ZNF641: variants seen among roughly 807,000 people sequenced by gnomAD.
The protein encoded by ZNF641 is zinc finger protein 641.
A neutral mutation model predicts 46.2 loss-of-function variants in ZNF641; 26 were observed. The observed-to-expected ratio is 0.56, with a 90% CI of 0.41 to 0.78. ZNF641 has a LOEUF of 0.78. Ranked by LOEUF, ZNF641 falls within the 30% of genes least tolerant of loss-of-function variation. ZNF641 has a pLI of 0.00. For synonymous variants in ZNF641, 163 were observed against 187.9 expected, an observed-to-expected ratio of 0.87 and a Z score of 1.09; for missense variants, 469 against 517.8, an observed-to-expected ratio of 0.91 and a Z score of 0.91.
rs777930561 is a variant in ZNF641, at chr12:48,343,276, G to C, written c.972C>G (p.His324Gln). Reference protein sequence around the residue: ...NFRCNSHLASHQRVHAEGKSC... With the variant: ...NFRCNSHLASQQRVHAEGKSC... Reference sequence around the variant, plus strand: ...ATTTGCCTTCTGCATGCACTCTCTGGTGGCTGGCCAGATGGGAGTTGCATC... The same window carrying C: ...ATTTGCCTTCTGCATGCACTCTCTGCTGGCTGGCCAGATGGGAGTTGCATC... Residue 324 changes from histidine (H) to glutamine (Q), a missense_variant, in exon 6 of 6, where the codon CAC (histidine) becomes CAG (glutamine). By Grantham distance (24) the His-to-Gln change is conservative (BLOSUM62 0). Coordinates refer to ENST00000547026, the MANE Select transcript of ZNF641 (RefSeq NM_001172681.2). 4.3e-6 allele frequency: 7 copies of C among 1,614,232 alleles called. 1 individual carries two copies.
rs757505156 is a variant in ZNF641, at chr12:48,348,018, G to A, written c.73C>T (p.Pro25Ser). Reference sequence around the variant, plus strand: ...TCCTGGCTTCCCCTTTCCACCTGGGGCTCTGCTCCATCCAGCTGTACATTC... The same window carrying A: ...TCCTGGCTTCCCCTTTCCACCTGGGACTCTGCTCCATCCAGCTGTACATTC... ...SMNVQLDGAEPQVERGSQEER... is the reference protein window; with the variant it reads ...SMNVQLDGAESQVERGSQEER... The change falls in exon 2 of 6, where the codon CCC becomes TCC. Residue 25 changes from proline to serine, a missense_variant. Around this residue, in one of 3 missense-constraint regions of ZNF641, gnomAD observed 98 missense variants for 105.7 expected, o/e 0.93. Transcript: ENST00000547026. The A allele has an allele frequency of 6.2e-6, 10 of 1,614,206 alleles. No individual in the cohort carries two copies. In the East Asian group the frequency reaches 1.8e-4, roughly 29 times the overall value.
At position 48,343,011 on chromosome 12, in the gene ZNF641, G is replaced by C; in HGVS notation, c.1237C>G (p.Pro413Ala). The change falls in exon 6 of 6, where the codon CCC (proline) becomes GCC (alanine). Residue 413 changes from proline to alanine, a missense_variant. Coordinates refer to ENST00000547026, the MANE Select transcript of ZNF641 (RefSeq NM_001172681.2). ...RHLLTHQGQS[P>A]RNSWDRGTSV... ...GTTCCTCTGTCCCAGCTGTTCCGGG[G>C]ACTTTGTCCCTGGTGGGTGAGCAGG... 1 of 1,614,112 alleles carries C rather than the reference G, an allele frequency of 6.2e-7. No homozygotes were observed. Among genetic ancestry groups the C allele is most frequent in the Non-Finnish European group, 8.5e-7 (1 of 1,179,980 alleles).
Position 48,338,875 on chromosome 12 carries a change from GGTA to G in ZNF641, c.*4095_*4097del, listed in dbSNP as rs1952658599. The G allele has an allele frequency of 6.6e-6, 1 of 152,114 alleles. No homozygotes were observed. Among genetic ancestry groups the G allele is most frequent in the Non-Finnish European group, 1.5e-5 (1 of 68,016 alleles). The allele number at this position is 152,114 out of a possible 1,614,324, so 9.4% of individuals were successfully genotyped here. ...ACTTGGGTTCTTAAGGGCTTGGCAT[GGTA>G]GGCCTTACTCTACCTTTGTGCTAGA... On this transcript the variant is annotated 3_prime_UTR_variant, in exon 6 of 6. Transcript: ENST00000547026.
chr12:48,346,925 C>T (rs1412717745), intron 3 of ZNF641, among the ~76,000 whole-genome samples: 1 of 152,160 alleles, frequency 6.6e-6, no homozygotes. Flanking sequence ...GCACAAGAAT[C>T]GCTTGAACCC....
chr12:48,341,748 C>T lies in ZNF641; in HGVS notation c.*1225G>A. On this transcript the variant is annotated 3_prime_UTR_variant, in exon 6 of 6. Transcript: ENST00000547026. ...CTTGCCTGAAATCAACAAGAAACAGCTCACCTCCCCAAAGACTCCTCTTTC... is the reference window on the plus strand; with the variant it reads ...CTTGCCTGAAATCAACAAGAAACAGTTCACCTCCCCAAAGACTCCTCTTTC... 2 of 985,472 alleles carry T rather than the reference C, an allele frequency of 2.0e-6. No homozygotes were observed. The highest frequency in any genetic ancestry group is 6.1e-5 in the Admixed American group (1 of 16,292). The allele number at this position is 985,472 out of a possible 1,614,324, so 61.0% of individuals were successfully genotyped here.
chr12:48,343,212 T>C lies in ZNF641; in HGVS notation c.1036A>G (p.Arg346Gly). 1 of 1,614,202 alleles carries C rather than the reference T, an allele frequency of 6.2e-7. No individual in the cohort carries two copies. The highest frequency in any genetic ancestry group is 8.5e-7 in the Non-Finnish European group (1 of 1,180,004). The change falls in exon 6 of 6, where the codon AGG (arginine) becomes GGG (glycine). Residue 346 changes from arginine to glycine, a missense_variant. Transcript: ENST00000547026. Reference protein sequence around the residue: ...GQEVGESPGTRKRQRAPPVPK... With the variant: ...GQEVGESPGTGKRQRAPPVPK... ...ACTGGTGGGGCACGCTGCCGTTTCC[T>C]TGTGCCAGGGCTCTCTCCAACCTCT... is the stretch of plus-strand genomic sequence containing the variant.
chr12:48,343,260 C>T lies in ZNF641; in HGVS notation c.988G>A (p.Glu330Lys). 1 of 1,614,268 alleles carries T rather than the reference C, an allele frequency of 6.2e-7. No homozygotes were observed. The highest frequency in any genetic ancestry group is 8.5e-7 in the Non-Finnish European group (1 of 1,180,050). ...HLASHQRVHA[E>K]GKSCKGQEVG... ...TCTTGGCCTTTGCAGGATTTGCCTTCTGCATGCACTCTCTGGTGGCTGGCC... is the reference window on the plus strand; with the variant it reads ...TCTTGGCCTTTGCAGGATTTGCCTTTTGCATGCACTCTCTGGTGGCTGGCC... The change falls in exon 6 of 6, where the codon GAA becomes AAA. Residue 330 changes from glutamate to lysine, a missense_variant. Coordinates refer to ENST00000547026, the MANE Select transcript of ZNF641 (RefSeq NM_001172681.2).
chr12:48,344,782 T>A, intron 4 of ZNF641, 70 bp from the exon 5 acceptor site: 1 of 861,572 alleles, frequency 1.2e-6, no homozygotes, highest in Non-Finnish European at 1.8e-6. Flanking sequence ...GAAAAAAAAA[T>A]ACAAAAAACT....
Position 48,347,297 on chromosome 12 carries a change from A to G in ZNF641, c.231T>C (p.Thr77=). The change falls in exon 3 of 6, where the codon ACT becomes ACC. Residue 77 remains threonine (T), a synonymous_variant. Transcript: ENST00000547026. ...WVPAIPQEGN[T]GDWEMAAALL... ...GTGCAGCTGCCATCTCCCAGTCTCC[A>G]GTGTTCCCCTCCTGGGGAATTGCAG... The G allele has an allele frequency of 1.2e-6, 2 of 1,613,856 alleles. No homozygotes were observed. The highest frequency in any genetic ancestry group is 1.7e-6 in the Non-Finnish European group (2 of 1,179,802).
chr12:48,339,786 C>G lies in ZNF641; in HGVS notation c.*3187G>C, dbSNP rs1192199141. 1 of 294,942 alleles carries G rather than the reference C, an allele frequency of 3.4e-6. No homozygotes were observed. Among genetic ancestry groups the G allele is most frequent in the African/African-American group, 2.3e-5 (1 of 44,054 alleles). The allele number at this position is 294,942 out of a possible 1,614,324, so 18.3% of individuals were successfully genotyped here. A position where few individuals can be genotyped will look rare whatever the true frequency, so the allele number is the denominator to read the frequency against. On this transcript the variant is annotated 3_prime_UTR_variant, in exon 6 of 6. Coordinates refer to ENST00000547026, the MANE Select transcript of ZNF641 (RefSeq NM_001172681.2). ...TTATCACCTCTTTGGTTCTCTGAAG[C>G]CATAACATTACTTTGACAAGGGAAA...
At chr12:48,346,894 C>T (rs1952886870) in intron 3 of ZNF641, among the ~76,000 whole-genome samples, 1 of 152,088 alleles carries the variant, frequency 6.6e-6, no homozygotes. Context: ...GCCAGTAGTC[C>T]CAGCTACTTG....
In ZNF641 at chr12:48,343,693, T is replaced by C. The variant is rs370601433; in HGVS notation, c.555A>G (p.Glu185=). 7.4e-5 allele frequency: 112 copies of C among 1,516,832 alleles called. No homozygotes were observed. Among genetic ancestry groups the C allele is most frequent in the Non-Finnish European group, 8.2e-5 (93 of 1,132,880 alleles). 94.0% of individuals were successfully genotyped at this position (1,516,832 alleles called of 1,614,324 possible). ...DGSEHEGDTP[E]LEAEPPRMLS... ...ACATTCTGGGAGGTTCTGCTTCTAG[T>C]TCAGGGGTATCCCCCTCATGTTCAC... Residue 185 remains glutamate, a synonymous_variant, in exon 6 of 6, where the codon GAA becomes GAG. Coordinates refer to ENST00000547026, the MANE Select transcript of ZNF641 (RefSeq NM_001172681.2).
chr12:48,334,739 A>G (rs1255396917), downstream of ZNF641, among the ~76,000 whole-genome samples: 2 of 152,208 alleles, frequency 1.3e-5, no homozygotes, highest in Non-Finnish European at 2.9e-5. Flanking sequence ...CCCCCTTTAT[A>G]GTCTTAGGAT....
In ZNF641 at chr12:48,342,226, G is replaced by A; in HGVS notation, c.*747C>T. 1 of 985,554 alleles carries A rather than the reference G, an allele frequency of 1.0e-6. No homozygotes were observed. Among genetic ancestry groups the A allele is most frequent in the African/African-American group, 1.7e-5 (1 of 57,372 alleles). The allele number at this position is 985,554 out of a possible 1,614,324, so 61.1% of individuals were successfully genotyped here. A position where few individuals can be genotyped will look rare whatever the true frequency, so the allele number is the denominator to read the frequency against. ...TGGATATATGTATGTGCAGGATGAA[G>A]GGAGTAGGAATAATGGGTAAAAAGG... On this transcript the variant is annotated 3_prime_UTR_variant, in exon 6 of 6. Coordinates refer to ENST00000547026, the MANE Select transcript of ZNF641 (RefSeq NM_001172681.2).
chr12:48,346,340 T>C (rs1408474577), intron 3 of ZNF641, among the ~76,000 whole-genome samples: 1 of 152,176 alleles, frequency 6.6e-6, no homozygotes, highest in African/African-American at 2.4e-5. Flanking sequence ...TTTCCTCATC[T>C]GTAAAATTGG....
At chr12:48,347,456 T>C in intron 2 of ZNF641, 113 bp from the exon 3 acceptor site, 1 of 882,582 alleles carries the variant, frequency 1.1e-6, no homozygotes. Flanking sequence ...CTATGCCCAT[T>C]GGTAAAACTC....
chr12:48,334,904 C>T (rs1952593468), downstream of ZNF641, among the ~76,000 whole-genome samples: 1 of 152,178 alleles, frequency 6.6e-6, no homozygotes, highest in Non-Finnish European at 1.5e-5. Flanking sequence ...TAAGAATTTC[C>T]TCTCATACCA....
In ZNF641 at chr12:48,343,253, T is replaced by G; in HGVS notation, c.995A>C (p.Lys332Thr). The change falls in exon 6 of 6, where the codon AAA becomes ACA. Residue 332 changes from lysine to threonine, a missense_variant. Physicochemically the swap from Lys to Thr is moderately conservative, Grantham distance 78. Around this residue, in one of 3 missense-constraint regions of ZNF641, gnomAD observed 346 missense variants for 354.0 expected, o/e 0.98. Coordinates refer to ENST00000547026, the MANE Select transcript of ZNF641 (RefSeq NM_001172681.2). ...ASHQRVHAEG[K>T]SCKGQEVGES... ...TCCAACCTCTTGGCCTTTGCAGGAT[T>G]TGCCTTCTGCATGCACTCTCTGGTG... The G allele has an allele frequency of 1.2e-6, 2 of 1,614,240 alleles. No individual in the cohort carries two copies. The highest frequency in any genetic ancestry group is 2.2e-5 in the South Asian group (2 of 91,088).
rs1462166254 is a variant in ZNF641, at chr12:48,339,419, G to A, written c.*3554C>T. Reference sequence around the variant, plus strand: ...GAGTTTCTGATTCAGTAGTTCTCCTGGGGCGGGGGCTAAGAATTTGCATTT... The same window carrying A: ...GAGTTTCTGATTCAGTAGTTCTCCTAGGGCGGGGGCTAAGAATTTGCATTT... On this transcript the variant is annotated 3_prime_UTR_variant, in exon 6 of 6. Transcript: ENST00000547026. 3 of 152,164 alleles carry A rather than the reference G, an allele frequency of 2.0e-5. No individual in the cohort carries two copies. Among genetic ancestry groups the A allele is most frequent in the Admixed American group, 2.0e-4 (3 of 15,284 alleles). The allele number at this position is 152,164 out of a possible 1,614,324, so 9.4% of individuals were successfully genotyped here. A position where few individuals can be genotyped will look rare whatever the true frequency, so the allele number is the denominator to read the frequency against.
Sources: gnomAD v4.1 joint callset for allele counts (sites outside exome capture counted in the v4.1 genomes callset) on GRCh38, gnomAD v4.1.1 for gene constraint, gnomAD v4.1.1 regional missense constraint, MANE v1.5 for transcripts, NCBI Gene and HGNC (gene_info 2026-07-23, HGNC 2026-07-21) for gene names.